Variants in TRIM50 observed in about 807,000 individuals in gnomAD.
The protein encoded by TRIM50 is tripartite motif containing 50.
In TRIM50, 34 loss-of-function variants were observed where a neutral mutation model predicts 44.9. The observed-to-expected ratio is 0.76, with a 90% CI of 0.58 to 1.01. The LOEUF is 1.01. Among genes scored for constraint, TRIM50 ranks in the 50% least tolerant of loss-of-function variants. The pLI, the probability that TRIM50 is intolerant of heterozygous loss-of-function variation, is 0.00. For synonymous variants in TRIM50, 307 were observed against 291.1 expected, an observed-to-expected ratio of 1.05 and a Z score of -0.56; for missense variants, 633 against 663.7, an observed-to-expected ratio of 0.95 and a Z score of 0.51.
Position 73,313,313 on chromosome 7 carries a change from T to A in TRIM50, c.1072A>T (p.Lys358Ter). Residue 358 changes from lysine (K) to a stop codon, truncating the protein, a stop_gained, in exon 7 of 7, where the codon AAG becomes TAG. Transcript: ENST00000333149. LOFTEE classifies it high-confidence loss of function. The surrounding 1 kb of genome is among the most constrained non-coding windows in gnomAD (Gnocchi z 4.9). ...ATGACCCCCAGGCGCCAGTCGCTCTTGCTGCCCACCACCACCTCCCAGTAG... is the reference window on the plus strand; with the variant it reads ...ATGACCCCCAGGCGCCAGTCGCTCTAGCTGCCCACCACCACCTCCCAGTAG... The part of the protein sequence containing the change: ...RHYWEVVVGS[K>*]SDWRLGVIKG... 1.9e-6 allele frequency: 3 copies of A among 1,606,230 alleles called. No homozygotes were observed. The highest frequency in any genetic ancestry group is 2.5e-6 in the Non-Finnish European group (3 of 1,177,276).
chr7:73,321,629 A>T (rs540887364), intron 2 of TRIM50, among the ~76,000 whole-genome samples: 8 of 152,130 alleles, frequency 5.3e-5, no homozygotes, highest in Non-Finnish European at 1.2e-4. Flanking sequence ...GGACCCCTGG[A>T]CCACCATCTA....
In TRIM50 at chr7:73,312,864, C is replaced by A. The variant is rs1301003815; in HGVS notation, c.*57G>T. On this transcript the variant is annotated 3_prime_UTR_variant, in exon 7 of 7. Coordinates refer to ENST00000333149, the MANE Select transcript of TRIM50 (RefSeq NM_178125.3). ...TCAGGCGGGACCCAGCAGAAGCCCG[C>A]GAGTCCCCGGTGCCCCGCCGGGATG... 21 of 1,382,204 alleles carry A rather than the reference C, an allele frequency of 1.5e-5. No homozygotes were observed. In the East Asian group the frequency reaches 1.8e-4, roughly 12 times the overall value. The allele number at this position is 1,382,204 out of a possible 1,614,324, so 85.6% of individuals were successfully genotyped here.
intron 6 of TRIM50, chr7:73,314,687 C>T (rs1554543767): frequency 8.9e-6 from 2 of 223,816 alleles, no homozygotes; most frequent in Admixed American, 5.6e-5. Context: ...CCCGTCTCTA[C>T]TAAAATACAA....
At chr7:73,317,773 C>T (rs535889232) in intron 5 of TRIM50, among the ~76,000 whole-genome samples, 4 of 152,294 alleles carry the variant, frequency 2.6e-5, no homozygotes, top group South Asian at 2.1e-4. Context: ...GGGAACTGCA[C>T]GTGTTCGTTT....
chr7:73,316,780 A>G, intron 5 of TRIM50, 91 bp from the exon 6 acceptor site: 1 of 1,534,856 alleles, frequency 6.5e-7, no homozygotes, highest in Non-Finnish European at 8.8e-7. Context: ...AGCCAGATCC[A>G]CAGTGCAGGA....
Position 73,312,926 on chromosome 7 carries a change from G to A in TRIM50, c.1459C>T (p.Leu487=). 1 of 1,541,520 alleles carries A rather than the reference G, an allele frequency of 6.5e-7. No individual in the cohort carries two copies. The highest frequency in any genetic ancestry group is 2.5e-5 in the East Asian group (1 of 40,802). Residue 487 remains leucine, a synonymous_variant, in exon 7 of 7, where the codon CTG becomes TTG. Coordinates refer to ENST00000333149, the MANE Select transcript of TRIM50 (RefSeq NM_178125.3). ...CGGCAGGACTCCGGGCGGCCCTACA[G>A]CTTGGTGGGCTGCTCGGGGCTGAGG... ...GPLSPEQPTK[L]
In TRIM50 at chr7:73,318,715, A is replaced by G. The variant is rs1804415889; in HGVS notation, c.727-6T>C. On this transcript the variant is annotated splice_region_variant and splice_polypyrimidine_tract_variant and intron_variant, in intron 4 of 6. Coordinates refer to ENST00000333149, the MANE Select transcript of TRIM50 (RefSeq NM_178125.3). Reference sequence around the variant, plus strand: ...GAGGCCATGGAGTGGAACTTCTGGAAGGCAAGAGAGAGGGAGGTTAAGGCT... The same window carrying G: ...GAGGCCATGGAGTGGAACTTCTGGAGGGCAAGAGAGAGGGAGGTTAAGGCT... The G allele has an allele frequency of 6.2e-7, 1 of 1,613,860 alleles. No individual in the cohort carries two copies. Among genetic ancestry groups the G allele is most frequent in the Admixed American group, 1.7e-5 (1 of 59,986 alleles).
intron 5 of TRIM50, 37 bp from the exon 6 acceptor site, chr7:73,316,726 A>G: frequency 6.2e-7 from 1 of 1,604,310 alleles, no homozygotes; most frequent in Middle Eastern, 2.0e-4. Flanking sequence ...AGAGTGAGGT[A>G]TCACGTGGCC....
At chr7:73,322,558 CT>C (rs1804520812) in intron 2 of TRIM50, among the ~76,000 whole-genome samples, 1 of 152,214 alleles carries the variant, frequency 6.6e-6, no homozygotes, top group African/African-American at 2.4e-5. Context: ...ATAATCAGTT[CT>C]TACTGCTACA....
chr7:73,313,907 TG>T lies in TRIM50; in HGVS notation c.875-398del, dbSNP rs1554543685. On this transcript the variant is annotated intron_variant, in intron 6 of 6. Coordinates refer to ENST00000333149, the MANE Select transcript of TRIM50 (RefSeq NM_178125.3). The surrounding 1 kb of genome is among the most constrained non-coding windows in gnomAD (Gnocchi z 4.9). ...GGAAGGACCCGGAAGACACCTGTCCTGTGAGCCTATAGCTCAGCCCTCAGGG... is the reference window on the plus strand; with the variant it reads ...GGAAGGACCCGGAAGACACCTGTCCTTGAGCCTATAGCTCAGCCCTCAGGG... Among the ~76,000 whole-genome samples, 1 of 152,160 alleles carries T rather than the reference TG, an allele frequency of 6.6e-6. No individual in the cohort carries two copies. Among genetic ancestry groups the T allele is most frequent in the Non-Finnish European group, 1.5e-5 (1 of 68,018 alleles).
chr7:73,316,614 A>G lies in TRIM50; in HGVS notation c.825T>C (p.Ala275=). 1 of 1,614,228 alleles carries G rather than the reference A, an allele frequency of 6.2e-7. No homozygotes were observed. Among genetic ancestry groups the G allele is most frequent in the Non-Finnish European group, 8.5e-7 (1 of 1,180,034 alleles). ...TTTTCCACACGGTCAGCTTGATGTCAGCCTGGTGGAGGCCTGGCTTGAAGG... is the reference window on the plus strand; with the variant it reads ...TTTTCCACACGGTCAGCTTGATGTCGGCCTGGTGGAGGCCTGGCTTGAAGG... ...PISFKPGLHQ[A]DIKLTVWKRL... The change falls in exon 6 of 7, where the codon GCT becomes GCC. Residue 275 remains alanine (A), a synonymous_variant. Transcript: ENST00000333149.
At chr7:73,319,231 G>A (rs1330664038) in intron 3 of TRIM50, among the ~76,000 whole-genome samples, 179 bp from the exon 4 acceptor site, 3 of 152,206 alleles carry the variant, frequency 2.0e-5, no homozygotes, top group Non-Finnish European at 4.4e-5. Flanking sequence ...GAGCCCTGGC[G>A]GTGGCCGTGG....
At position 73,312,847 on chromosome 7, in the gene TRIM50, G is replaced by T; in HGVS notation, c.*74C>A. ...ACAGTGACGATATCACCTCAGGCGG[G>T]ACCCAGCAGAAGCCCGCGAGTCCCC... On this transcript the variant is annotated 3_prime_UTR_variant, in exon 7 of 7. Transcript: ENST00000333149. 8.1e-7 allele frequency: 1 copy of T among 1,227,356 alleles called. No individual in the cohort carries two copies. The highest frequency in any genetic ancestry group is 1.6e-5 in the South Asian group (1 of 64,374). 76.0% of individuals were successfully genotyped at this position (1,227,356 alleles called of 1,614,324 possible).
intron 2 of TRIM50, 47 bp downstream of exon 2, chr7:73,324,342 T>C (rs1804562864): frequency 6.2e-6 from 10 of 1,613,504 alleles, no homozygotes; most frequent in Non-Finnish European, 8.5e-6. Context: ...GCACAGGATC[T>C]GGTCCCCGCG....
In TRIM50 at chr7:73,318,833, T is replaced by C. The variant is rs201738867; in HGVS notation, c.715A>G (p.Lys239Glu). Residue 239 changes from lysine to glutamate, a missense_variant, in exon 4 of 7, where the codon AAG (lysine) becomes GAG (glutamate). Lys to Glu is a moderately conservative substitution (Grantham distance 56, BLOSUM62 1). Coordinates refer to ENST00000333149, the MANE Select transcript of TRIM50 (RefSeq NM_178125.3). ...CCCTGTCCACTCACCCGGATGAACT[T>C]GTGGTGGTCCTCATTGCCGAACTGT... ...LEQFGNEDHHKFIRKFHSMAS... is the reference protein window; with the variant it reads ...LEQFGNEDHHEFIRKFHSMAS... The C allele has an allele frequency of 3.2e-4, 514 of 1,612,876 alleles. 4 individuals carry two copies. Among genetic ancestry groups the C allele is most frequent in the African/African-American group, 1.1e-3 (84 of 74,964 alleles).
chr7:73,327,659 C>T (rs1320347622), intron 1 of TRIM50, among the ~76,000 whole-genome samples: 2 of 152,242 alleles, frequency 1.3e-5, no homozygotes, highest in African/African-American at 4.8e-5. Flanking sequence ...CATGCTGCAT[C>T]CTTTTTCCTG....
Position 73,316,677 on chromosome 7 carries a change from C to T in TRIM50, c.762G>A (p.Pro254=), listed in dbSNP as rs782411061. The T allele has an allele frequency of 2.8e-5, 45 of 1,613,812 alleles. No homozygotes were observed. In the East Asian group the frequency reaches 3.6e-4, roughly 13 times the overall value. ...FHSMASRAEM[P]QARPLEGAFS... is the part of the protein sequence containing the mutation. ...ATGCGCCTTCTAAGGGCCGGGCCTG[C>T]GGCATCTCTGCTCTGCAGGTGACAG... is the stretch of plus-strand genomic sequence containing the variant. Residue 254 remains proline (P), a synonymous_variant, in exon 6 of 7, where the codon CCG becomes CCA. Transcript: ENST00000333149.
At position 73,312,953 on chromosome 7, in the gene TRIM50, G is replaced by T; in HGVS notation, c.1432C>A (p.Pro478Thr). The change falls in exon 7 of 7, where the codon CCC becomes ACC. Residue 478 changes from proline to threonine, a missense_variant. Pro to Thr is a conservative substitution (Grantham distance 38). Transcript: ENST00000333149. ...TTGGTGGGCTGCTCGGGGCTGAGGGGGCCAGGCCCGCTGGGCGGGGGCAGC... is the reference window on the plus strand; with the variant it reads ...TTGGTGGGCTGCTCGGGGCTGAGGGTGCCAGGCCCGCTGGGCGGGGGCAGC... ...MVLPPPSGPG[P>T]LSPEQPTKL The T allele has an allele frequency of 6.5e-7, 1 of 1,549,476 alleles. No individual in the cohort carries two copies. Among genetic ancestry groups the T allele is most frequent in the Non-Finnish European group, 8.7e-7 (1 of 1,146,414 alleles).
intron 5 of TRIM50, among the ~76,000 whole-genome samples, chr7:73,317,926 C>T (rs1296692153): frequency 6.6e-6 from 1 of 152,148 alleles, no homozygotes; most frequent in African/African-American, 2.4e-5. Flanking sequence ...TGGCCATTTC[C>T]CACCTCTCCC....
Sources: gnomAD v4.1 joint callset for allele counts (sites outside exome capture counted in the v4.1 genomes callset) on GRCh38, gnomAD v4.1.1 for gene constraint, Gnocchi (gnomAD v3.1) non-coding constraint, MANE v1.5 for transcripts, NCBI Gene and HGNC (gene_info 2026-07-23, HGNC 2026-07-21) for gene names.